PRKG1: variants seen among roughly 807,000 people sequenced by gnomAD.
The protein encoded by PRKG1 is protein kinase cGMP-dependent 1.
Under a neutral mutation model 88.1 loss-of-function variants are expected in PRKG1, and 35 were observed. The ratio of observed to expected loss-of-function variants is 0.40; its 90% CI spans 0.30 to 0.53. PRKG1 has a LOEUF of 0.53. Among genes scored for constraint, PRKG1 ranks in the 20% least tolerant of loss-of-function variants. The probability of loss-of-function intolerance (pLI) is 0.59; values close to 1 mark genes in which losing one functional copy is unlikely to be tolerated. For missense variants in PRKG1, 540 were observed against 839.8 expected (o/e 0.64, Z 4.41); for synonymous variants, 303 against 292.5 (o/e 1.04, Z -0.37).
chr10:51,175,172 A>G (rs553310408), intron 2 of PRKG1, among the ~76,000 whole-genome samples: 2 of 69,256 alleles, frequency 2.9e-5, no homozygotes, highest in Non-Finnish European at 5.6e-5. Context: ...ACTAAGCTGT[A>G]GTCAGTATGT....
chr10:52,116,505 C>G (rs748137736), intron 7 of PRKG1, among the ~76,000 whole-genome samples: 20 of 152,136 alleles, frequency 1.3e-4, no homozygotes, highest in Non-Finnish European at 2.6e-4. Context: ...AAAATTTCAC[C>G]AACGTGATCT....
intron 9 of PRKG1, among the ~76,000 whole-genome samples, chr10:52,243,693 GA>G (rs1430646484): frequency 6.6e-6 from 1 of 151,724 alleles, no homozygotes; most frequent in Non-Finnish European, 1.5e-5. Flanking sequence ...GTGCAAAATA[GA>G]AGTAAAAGTA....
chr10:51,181,382 C>T (rs1156907543), intron 2 of PRKG1, among the ~76,000 whole-genome samples: 1 of 150,418 alleles, frequency 6.6e-6, no homozygotes, highest in South Asian at 2.1e-4. Context: ...GCTGGGACTA[C>T]AGGCGCCCGC....
intron 1 of PRKG1, among the ~76,000 whole-genome samples, chr10:51,118,254 AAAAAAAT>A (rs1845174961): frequency 6.6e-6 from 1 of 152,154 alleles, no homozygotes; most frequent in African/African-American, 2.4e-5. Context: ...GGGATTTTGA[AAAAAAAT>A]AAAAAATAAA....
At chr10:51,384,060 A>G (rs917070534) in intron 2 of PRKG1, among the ~76,000 whole-genome samples, 9 of 152,166 alleles carry the variant, frequency 5.9e-5, no homozygotes, top group Non-Finnish European at 1.2e-4. Flanking sequence ...CTGTTTGATC[A>G]AGACATCAAT....
In PRKG1 at chr10:51,943,457, C is replaced by T. The variant is rs538622675; in HGVS notation, c.762+35887C>T. Among the ~76,000 whole-genome samples, 20 of 152,150 alleles carry T rather than the reference C, an allele frequency of 1.3e-4. 2 individuals carry two copies. The highest frequency in any genetic ancestry group is 4.8e-4 in the African/African-American group (20 of 41,404). On this transcript the variant is annotated intron_variant, in intron 5 of 17. Transcript: ENST00000373980. ...GAATACCTTTTATTTCCTTCTCCTG[C>T]CTAATTGCCCTGGCCAGAACTTCCA...
chr10:51,235,014 A>G (rs1476062930), intron 2 of PRKG1, among the ~76,000 whole-genome samples: 3 of 152,162 alleles, frequency 2.0e-5, no homozygotes, highest in African/African-American at 7.2e-5. Flanking sequence ...AAGAACCAGA[A>G]TATGTCCTGG....
chr10:51,377,802 T>G (rs1408785559), intron 2 of PRKG1, among the ~76,000 whole-genome samples: 1 of 152,224 alleles, frequency 6.6e-6, no homozygotes, highest in African/African-American at 2.4e-5. Context: ...ATTCCCCAAG[T>G]GCCACCTGTG....
intron 4 of PRKG1, among the ~76,000 whole-genome samples, chr10:51,835,088 A>G (rs1840100318): frequency 6.6e-6 from 1 of 152,204 alleles, no homozygotes; most frequent in Non-Finnish European, 1.5e-5. Context: ...TAACACCCTC[A>G]GATAGGCACT....
intron 7 of PRKG1, among the ~76,000 whole-genome samples, chr10:52,133,215 G>T (rs927348453): frequency 2.6e-5 from 4 of 152,078 alleles, no homozygotes; most frequent in African/African-American, 9.7e-5. Context: ...GAGATTGATA[G>T]ATACGAATGC....
At chr10:51,299,721 G>A in intron 2 of PRKG1, 1 of 401,930 alleles carries the variant, frequency 2.5e-6, no homozygotes, top group South Asian at 1.8e-5. Flanking sequence ...CTGCACATGT[G>A]TTTTTTCCTG....
At chr10:51,005,302 A>G (rs1172573978) in intron 1 of PRKG1, among the ~76,000 whole-genome samples, 1 of 152,186 alleles carries the variant, frequency 6.6e-6, no homozygotes, top group Non-Finnish European at 1.5e-5. Flanking sequence ...CCCGGGAATC[A>G]CAGATTTAAA....
At chr10:52,293,174 G>T (rs1177434532) in intron 17 of PRKG1, among the ~76,000 whole-genome samples, 3 of 150,600 alleles carry the variant, frequency 2.0e-5, no homozygotes, top group East Asian at 3.9e-4. Context: ...GCTTCAAAGA[G>T]AATAAAATAC....
intron 9 of PRKG1, among the ~76,000 whole-genome samples, chr10:52,247,879 G>T (rs1292557751): frequency 6.6e-6 from 1 of 152,162 alleles, no homozygotes; most frequent in Non-Finnish European, 1.5e-5. Context: ...GTGTGAAGTG[G>T]GAAATCATGG....
chr10:51,163,621 C>G (rs1051821207), intron 2 of PRKG1, among the ~76,000 whole-genome samples: 3 of 152,160 alleles, frequency 2.0e-5, no homozygotes, highest in African/African-American at 7.2e-5. Flanking sequence ...CGCAAGGGGT[C>G]GGGGAGTTCC....
chr10:51,119,083 G>A (rs1489532268), intron 1 of PRKG1, among the ~76,000 whole-genome samples: 3 of 152,028 alleles, frequency 2.0e-5, no homozygotes, highest in East Asian at 1.9e-4. Flanking sequence ...CCTCCAAAAC[G>A]CAATAAATTT....
At chr10:51,779,128 C>T (rs1838518852) in intron 3 of PRKG1, among the ~76,000 whole-genome samples, 1 of 152,074 alleles carries the variant, frequency 6.6e-6, no homozygotes, top group Non-Finnish European at 1.5e-5. Context: ...AAGAACCACC[C>T]ATTAAGTGGT....
At chr10:51,218,142 G>C (rs963094673) in intron 2 of PRKG1, among the ~76,000 whole-genome samples, 1 of 152,058 alleles carries the variant, frequency 6.6e-6, no homozygotes, top group Non-Finnish European at 1.5e-5. Flanking sequence ...ATTTTCTAAT[G>C]AGGTAAATAC....
chr10:51,913,677 ACAAGTT>A (rs1362113745), intron 5 of PRKG1, among the ~76,000 whole-genome samples: 1 of 152,204 alleles, frequency 6.6e-6, no homozygotes, highest in Non-Finnish European at 1.5e-5. Flanking sequence ...GTTTTGAAAG[ACAAGTT>A]CAAGTAATTT....
Sources: allele counts gnomAD v4.1 joint callset (sites outside exome capture counted in the v4.1 genomes callset), GRCh38; gene constraint gnomAD v4.1.1; transcripts MANE v1.5; gene names NCBI Gene and HGNC (gene_info 2026-07-23, HGNC 2026-07-21).